Variants in SASH1 observed in about 807,000 individuals in gnomAD.
SASH1 encodes SAM and SH3 domain-containing protein 1.
SASH1 carries 44 observed loss-of-function variants against 125.2 expected under a neutral mutation model. That is an observed-to-expected ratio of 0.35 (90% CI 0.28 to 0.45). The LOEUF (loss-of-function observed/expected upper bound fraction) is 0.45. Among genes scored for constraint, SASH1 ranks in the 20% least tolerant of loss-of-function variants. The pLI, the probability that SASH1 is intolerant of heterozygous loss-of-function variation, is 1.00. For missense variants in SASH1, 1,426 were observed against 1,614.5 expected, an observed-to-expected ratio of 0.88 and a Z score of 2.00; for synonymous variants, 639 against 649.1, an observed-to-expected ratio of 0.98 and a Z score of 0.24.
At chr6:148,285,403 A>G (rs2128506990) in intron 1 of SASH1, among the ~76,000 whole-genome samples, 1 of 152,344 alleles carries the variant, frequency 6.6e-6, no homozygotes, top group Non-Finnish European at 1.5e-5. Flanking sequence ...AGCATCTAGC[A>G]TCCTCCAAGG....
the SASH1 span, among the ~76,000 whole-genome samples, chr6:148,254,242 G>A: frequency 7.2e-5 from 11 of 151,812 alleles, no homozygotes; most frequent in South Asian, 6.2e-4. Context: ...AGAATATAAC[G>A]CATTAGATGC....
At chr6:148,409,863 G>A (rs540379066) in intron 2 of SASH1, among the ~76,000 whole-genome samples, 1 of 152,114 alleles carries the variant, frequency 6.6e-6, no homozygotes, top group South Asian at 2.1e-4. Context: ...GAACTGGGGA[G>A]GCAGAGGCGA....
At chr6:148,510,298 T>A (rs1225687767) in intron 8 of SASH1, among the ~76,000 whole-genome samples, 1 of 152,168 alleles carries the variant, frequency 6.6e-6, no homozygotes, top group East Asian at 1.9e-4. Context: ...CAATTTTTGG[T>A]GGGATAAGTT....
the SASH1 span, among the ~76,000 whole-genome samples, chr6:148,225,796 G>A: frequency 2.0e-5 from 3 of 152,152 alleles, no homozygotes; most frequent in African/African-American, 4.8e-5. Context: ...TGTCTTTCTG[G>A]TCTTTCTCCA....
intron 2 of SASH1, among the ~76,000 whole-genome samples, chr6:148,423,273 A>G (rs573132069): frequency 6.6e-6 from 1 of 152,346 alleles, no homozygotes; most frequent in South Asian, 2.1e-4. Flanking sequence ...ATTATACAAC[A>G]TGACTAAGTC....
chr6:148,535,657 G>T (rs548099619), intron 16 of SASH1, among the ~76,000 whole-genome samples: 1 of 152,152 alleles, frequency 6.6e-6, no homozygotes, highest in Non-Finnish European at 1.5e-5. Flanking sequence ...TATGAAGTCT[G>T]TCTATTTGAA....
intron 2 of SASH1, among the ~76,000 whole-genome samples, chr6:148,424,221 T>C (rs1344085972): frequency 2.6e-5 from 4 of 151,830 alleles, no homozygotes; most frequent in Non-Finnish European, 4.4e-5. Flanking sequence ...AGACGGTGTC[T>C]TGTTCTTCTT....
At chr6:148,469,284 T>C (rs889076221) in intron 5 of SASH1, among the ~76,000 whole-genome samples, 1 of 152,226 alleles carries the variant, frequency 6.6e-6, no homozygotes, top group African/African-American at 2.4e-5. Flanking sequence ...ATGTGTCATA[T>C]AATTGAGTAT....
chr6:148,551,345 AC>A lies in SASH1; in HGVS notation c.*2788del, dbSNP rs1782867419. On this transcript the variant is annotated 3_prime_UTR_variant, in exon 20 of 20. Transcript: ENST00000367467. Reference sequence around the variant, plus strand: ...GTGAAAATTGTTGTCTTTGGAAAGCACAAAAGAAACCTGGAAAGGCAGTTCG... The same window carrying A: ...GTGAAAATTGTTGTCTTTGGAAAGCAAAAAGAAACCTGGAAAGGCAGTTCG... The A allele has an allele frequency of 6.6e-6, 1 of 152,650 alleles. No individual in the cohort carries two copies. The highest frequency in any genetic ancestry group is 2.4e-5 in the African/African-American group (1 of 41,452). 9.5% of individuals were successfully genotyped at this position (152,650 alleles called of 1,614,324 possible). A position where few individuals can be genotyped will look rare whatever the true frequency, so the allele number is the denominator to read the frequency against.
At chr6:148,248,707 C>A in the SASH1 span, among the ~76,000 whole-genome samples, 2 of 152,188 alleles carry the variant, frequency 1.3e-5, no homozygotes, top group Non-Finnish European at 2.9e-5. Flanking sequence ...CACTTCCCCC[C>A]ACAAGCCTCA....
Position 148,532,723 on chromosome 6 carries a change from A to C in SASH1, c.1565-74A>C, listed in dbSNP as rs1343093859. ...GGGCCTTCATTTCCTAATCTGCCAT[A>C]CCTTCAATACCTTTCTGCTTTGCTG... On this transcript the variant is annotated intron_variant, in intron 13 of 19. Transcript: ENST00000367467. This position sits in a 1 kb window ranked among gnomAD's most constrained non-coding sequence, Gnocchi z 4.7. The C allele has an allele frequency of 5.2e-6, 8 of 1,540,514 alleles. No homozygotes were observed. Among genetic ancestry groups the C allele is most frequent in the Middle Eastern group, 1.7e-4 (1 of 5,900 alleles).
intron 9 of SASH1, among the ~76,000 whole-genome samples, chr6:148,516,867 T>G (rs1195467821): frequency 6.6e-6 from 1 of 152,120 alleles, no homozygotes; most frequent in Non-Finnish European, 1.5e-5. Flanking sequence ...CCACCAGCTC[T>G]GGAGTCCTCG....
In SASH1 at chr6:148,357,793, C is replaced by T. The variant is rs192456787; in HGVS notation, c.156+14570C>T. On this transcript the variant is annotated intron_variant, in intron 1 of 19. Transcript: ENST00000367467. ...AAAGATTTTCGGCCAGGCACAGTGG[C>T]TCACACCTGTGATCCCAGCATTTTG... is the stretch of plus-strand genomic sequence containing the variant. Among the ~76,000 whole-genome samples the T allele has an allele frequency of 6.8e-4, 103 of 152,242 alleles. 1 individual carries two copies. The East Asian group carries it at 0.018, about 27-fold the overall frequency.
intron 4 of SASH1, among the ~76,000 whole-genome samples, chr6:148,453,501 A>G (rs1777199344): frequency 6.6e-6 from 1 of 152,146 alleles, no homozygotes; most frequent in African/African-American, 2.4e-5. Flanking sequence ...TCAGTGACTT[A>G]GCAAGATCAC....
intron 4 of SASH1, among the ~76,000 whole-genome samples, chr6:148,446,857 AG>A (rs546433043): frequency 1.8e-4 from 27 of 152,360 alleles, no homozygotes; most frequent in African/African-American, 6.0e-4. Context: ...ACACTTACTA[AG>A]AAGCAGTACA....
chr6:148,234,687 C>T, the SASH1 span, among the ~76,000 whole-genome samples: 6 of 152,092 alleles, frequency 3.9e-5, no homozygotes, highest in Admixed American at 2.6e-4. Context: ...ATTAACCAGG[C>T]GTGGTGGCAG....
chr6:148,450,517 AC>A (rs1195241289), intron 4 of SASH1, among the ~76,000 whole-genome samples: 1 of 151,518 alleles, frequency 6.6e-6, no homozygotes, highest in Non-Finnish European at 1.5e-5. Flanking sequence ...CAGTCTCTTA[AC>A]TGTCTGTATC....
At chr6:148,211,500 G>A in the SASH1 span, among the ~76,000 whole-genome samples, 1 of 152,024 alleles carries the variant, frequency 6.6e-6, no homozygotes, top group Non-Finnish European at 1.5e-5. Flanking sequence ...GAACGTGGGA[G>A]GTGGAGGTTA....
intron 1 of SASH1, among the ~76,000 whole-genome samples, chr6:148,337,317 A>G (rs1167253722): frequency 6.7e-6 from 1 of 148,166 alleles, no homozygotes. Context: ...TCCGCCTCCC[A>G]GGTTCATGCC....
Sources: gnomAD v4.1 joint callset for allele counts (sites outside exome capture counted in the v4.1 genomes callset) on GRCh38, gnomAD v4.1.1 for gene constraint, Gnocchi (gnomAD v3.1) non-coding constraint, MANE v1.5 for transcripts, NCBI Gene and HGNC (gene_info 2026-07-23, HGNC 2026-07-21) for gene names.